CFAP20DC: variants seen among roughly 807,000 people sequenced by gnomAD.
CFAP20DC encodes the protein CFAP20 domain containing, also known as protein CFAP20DC.
In CFAP20DC, 84 loss-of-function variants were observed where a neutral mutation model predicts 101.7. That is an observed-to-expected ratio of 0.83 (90% CI 0.69 to 0.99). CFAP20DC has a LOEUF of 0.99. Among genes scored for constraint, CFAP20DC ranks in the 50% least tolerant of loss-of-function variants. The probability of loss-of-function intolerance (pLI) is 0.00; values close to 1 mark genes in which losing one functional copy is unlikely to be tolerated. For synonymous variants in CFAP20DC, 359 were observed against 351.2 expected, an observed-to-expected ratio of 1.02 and a Z score of -0.25; for missense variants, 1,007 against 970.3, an observed-to-expected ratio of 1.04 and a Z score of -0.50.
chr3:58,814,335 T>C (rs551377724), intron 14 of CFAP20DC, among the ~76,000 whole-genome samples: 1 of 151,814 alleles, frequency 6.6e-6, no homozygotes, highest in South Asian at 2.1e-4. Context: ...CTCAATAAAT[T>C]AGGTATTGAT....
chr3:58,918,632 A>AT (rs567920047), intron 5 of CFAP20DC, among the ~76,000 whole-genome samples: 5,568 of 147,128 alleles, frequency 0.038, 313 homozygotes, highest in African/African-American at 0.13. Context: ...CACACAGTCT[A>AT]TTTTTTTTTT....
intron 3 of CFAP20DC, among the ~76,000 whole-genome samples, chr3:58,719,475 A>G (rs1002229176): frequency 6.6e-5 from 10 of 152,222 alleles, no homozygotes; most frequent in Non-Finnish European, 1.3e-4. Context: ...TAAAATGCAT[A>G]GACTTGTGTT....
chr3:58,759,526 C>G (rs931369136), intron 15 of CFAP20DC, among the ~76,000 whole-genome samples: 1 of 152,200 alleles, frequency 6.6e-6, no homozygotes, highest in African/African-American at 2.4e-5. Flanking sequence ...TGTGCAGAAG[C>G]TCTTCAGTTT....
intron 4 of CFAP20DC, among the ~76,000 whole-genome samples, chr3:59,009,143 G>C (rs2093517546): frequency 1.3e-5 from 2 of 151,992 alleles, no homozygotes; most frequent in South Asian, 2.1e-4. Context: ...CCTTAGGAGA[G>C]GAAAAAAGAA....
intron 15 of CFAP20DC, among the ~76,000 whole-genome samples, chr3:58,789,076 T>C (rs550975273): frequency 6.6e-6 from 1 of 152,144 alleles, no homozygotes; most frequent in Admixed American, 6.6e-5. Flanking sequence ...CACACAGTAA[T>C]AGCATTAGTA....
At chr3:58,926,736 G>C (rs901315011) in intron 5 of CFAP20DC, among the ~76,000 whole-genome samples, 4 of 152,344 alleles carry the variant, frequency 2.6e-5, no homozygotes, top group African/African-American at 9.6e-5. Context: ...CATCAGAGCT[G>C]TGGTTCAAGA....
At chr3:58,743,754 C>G (rs1436165347) in intron 16 of CFAP20DC, among the ~76,000 whole-genome samples, 2 of 152,160 alleles carry the variant, frequency 1.3e-5, no homozygotes, top group African/African-American at 4.8e-5. Context: ...TTCCATCTTA[C>G]TCAGCCAAAA....
intron 4 of CFAP20DC, among the ~76,000 whole-genome samples, chr3:58,988,799 T>C (rs576440972): frequency 7.9e-5 from 12 of 152,284 alleles, no homozygotes; most frequent in Admixed American, 7.8e-4. Flanking sequence ...ATCACTGTCA[T>C]TTAAAAATAT....
intron 15 of CFAP20DC, among the ~76,000 whole-genome samples, chr3:58,755,011 A>T (rs1290237112): frequency 2.6e-5 from 4 of 152,188 alleles, no homozygotes; most frequent in Admixed American, 2.0e-4. Context: ...ACCTACAATG[A>T]TAAATAAACC....
chr3:59,043,876 A>T (rs1038208487), intron 3 of CFAP20DC, among the ~76,000 whole-genome samples: 10 of 152,194 alleles, frequency 6.6e-5, no homozygotes, highest in African/African-American at 2.4e-4. Flanking sequence ...CCAAATTGTC[A>T]TAGTTTCATA....
chr3:58,743,093 A>C (rs776652319), intron 16 of CFAP20DC, among the ~76,000 whole-genome samples: 1 of 152,186 alleles, frequency 6.6e-6, no homozygotes, highest in Non-Finnish European at 1.5e-5. Context: ...TACACAGAAA[A>C]AAAATGTCAG....
chr3:58,786,154 CTTT>C (rs1476160184), intron 15 of CFAP20DC, among the ~76,000 whole-genome samples: 1 of 152,140 alleles, frequency 6.6e-6, no homozygotes, highest in East Asian at 1.9e-4. Context: ...GCTAATCCTT[CTTT>C]TATTACAGGG....
chr3:58,827,679 C>T (rs544081002), intron 14 of CFAP20DC, among the ~76,000 whole-genome samples: 1 of 152,214 alleles, frequency 6.6e-6, no homozygotes, highest in South Asian at 2.1e-4. Context: ...AACCCACATG[C>T]GGAATCACTC....
chr3:58,866,631 A>G lies in CFAP20DC; in HGVS notation c.1193T>C (p.Val398Ala). 3 of 1,608,246 alleles carry G rather than the reference A, an allele frequency of 1.9e-6. No homozygotes were observed. Among genetic ancestry groups the G allele is most frequent in the Non-Finnish European group, 2.6e-6 (3 of 1,174,704 alleles). The change falls in exon 11 of 17, where the codon GTG (valine) becomes GCG (alanine). Residue 398 changes from valine (V) to alanine (A), a missense_variant. Physicochemically the swap from Val to Ala is moderately conservative, Grantham distance 64. Transcript: ENST00000482387. The stretch of plus-strand genomic sequence containing the variant: ...CAACAGCTCTGCTCCTTGTTGGGAC[A>G]CAGTGGTGAGGATAGTTGATGCTTT... The part of the protein sequence containing the change: ...EDKASTILTT[V>A]SQQGAELLNS...
chr3:58,737,311 C>T, downstream of CFAP20DC: 1 of 453,756 alleles, frequency 2.2e-6, no homozygotes, highest in Admixed American at 2.4e-5. This position sits in a 1 kb window ranked among gnomAD's most constrained non-coding sequence, Gnocchi z 4.1. Flanking sequence ...CTCTCACACA[C>T]ACACACACAC....
intron 15 of CFAP20DC, among the ~76,000 whole-genome samples, chr3:58,802,679 C>A (rs2073796362): frequency 6.6e-6 from 1 of 152,150 alleles, no homozygotes; most frequent in Non-Finnish European, 1.5e-5. Flanking sequence ...ATTACTGTTG[C>A]ATCCCACCTT....
At chr3:58,727,516 A>T (rs1277205304) in intron 3 of CFAP20DC, 1 of 152,056 alleles carries the variant, frequency 6.6e-6, no homozygotes, top group Non-Finnish European at 1.5e-5. Flanking sequence ...GGCTCACTGG[A>T]AGCTCCGCCT....
chr3:58,898,153 C>T (rs1052438337), intron 6 of CFAP20DC, among the ~76,000 whole-genome samples: 4 of 150,948 alleles, frequency 2.6e-5, no homozygotes, highest in Admixed American at 6.6e-5. Context: ...CTTTCCTCCA[C>T]TTGGTCTATT....
chr3:58,845,465 A>G (rs1381822919), intron 13 of CFAP20DC, among the ~76,000 whole-genome samples: 2 of 150,868 alleles, frequency 1.3e-5, no homozygotes, highest in Non-Finnish European at 3.0e-5. Context: ...TAAACCAGGA[A>G]GAAGTTGAAT....
Sources: allele counts gnomAD v4.1 joint callset (sites outside exome capture counted in the v4.1 genomes callset), GRCh38; gene constraint gnomAD v4.1.1; non-coding constraint Gnocchi (gnomAD v3.1); transcripts MANE v1.5; gene names NCBI Gene and HGNC (gene_info 2026-07-23, HGNC 2026-07-21).